The following MYLK variants were observed in gnomAD, a reference collection of about 807,000 sequenced individuals.
MYLK encodes the protein myosin light chain kinase, smooth muscle.
MYLK carries 106 observed loss-of-function variants against 203.4 expected under a neutral mutation model. That is an observed-to-expected ratio of 0.52 (90% CI 0.45 to 0.61). The LOEUF is 0.61. Ranked by LOEUF, MYLK falls within the 20% of genes least tolerant of loss-of-function variation. The pLI is 0.00. For synonymous variants in MYLK, 867 were observed against 959.5 expected, an observed-to-expected ratio of 0.90 and a Z score of 1.78; for missense variants, 2,072 against 2,442.3, an observed-to-expected ratio of 0.85 and a Z score of 3.20.
At chr3:123,801,114 A>C (rs927536973) in intron 3 of MYLK, among the ~76,000 whole-genome samples, 4 of 152,244 alleles carry the variant, frequency 2.6e-5, no homozygotes, top group Non-Finnish European at 5.9e-5. Flanking sequence ...AAAACAGCTA[A>C]ATTTTCATAT....
At chr3:123,882,622 G>A (rs1156392700) in intron 1 of MYLK, among the ~76,000 whole-genome samples, 2 of 152,100 alleles carry the variant, frequency 1.3e-5, no homozygotes, top group Non-Finnish European at 2.9e-5. Flanking sequence ...TGAACAATGA[G>A]ACAGACCTGC....
At position 123,817,489 on chromosome 3, in the gene MYLK, A is replaced by G. The variant is rs1007263447; in HGVS notation, c.-4+14059T>C. Among the ~76,000 whole-genome samples the G allele has an allele frequency of 3.3e-5, 5 of 152,170 alleles. 1 individual carries two copies. The highest frequency in any genetic ancestry group is 4.1e-4 in the South Asian group (2 of 4,830). On this transcript the variant is annotated intron_variant, in intron 3 of 33. Coordinates refer to ENST00000360304, the MANE Select transcript of MYLK (RefSeq NM_053025.4). ...TCAGATCTGCTCAGCCCAGGCCTAC[A>G]GCTACACCAGGGGAGTTGTCAGGGG...
At chr3:123,750,726 G>T (rs1273712729) in intron 5 of MYLK, among the ~76,000 whole-genome samples, 2 of 152,168 alleles carry the variant, frequency 1.3e-5, no homozygotes, top group Non-Finnish European at 2.9e-5. Context: ...ATTTTTATTT[G>T]TAGGCATCAA....
At chr3:123,757,144 T>C (rs1466305937) in intron 4 of MYLK, among the ~76,000 whole-genome samples, 3 of 152,202 alleles carry the variant, frequency 2.0e-5, no homozygotes, top group Non-Finnish European at 4.4e-5. Flanking sequence ...ATTTACTTAA[T>C]GACTAAAAGC....
Position 123,629,561 on chromosome 3 carries a change from G to A in MYLK, c.5027C>T (p.Ala1676Val). 6.2e-7 allele frequency: 1 copy of A among 1,614,212 alleles called. No homozygotes were observed. The highest frequency in any genetic ancestry group is 8.5e-7 in the Non-Finnish European group (1 of 1,180,036). Residue 1676 changes from alanine (A) to valine (V), a missense_variant, in exon 30 of 34, where the codon GCC becomes GTC. Physicochemically the swap from Ala to Val is moderately conservative, Grantham distance 64 (BLOSUM62 0). Transcript: ENST00000360304. This position sits in a 1 kb window ranked among gnomAD's most constrained non-coding sequence, Gnocchi z 4.4. ...DNETLANVTS[A>V]TWDFDDEAFD... ...TGCCTCGTCGTCGAAGTCCCAGGTG[G>A]CTGAGGTAACGTTGGCCAAGGTTTC...
chr3:123,811,899 A>T (rs576625410), intron 3 of MYLK, among the ~76,000 whole-genome samples: 2 of 152,202 alleles, frequency 1.3e-5, no homozygotes, highest in African/African-American at 4.8e-5. Flanking sequence ...CTATAAAAAC[A>T]TATCTATTAA....
At chr3:123,623,111 T>A (rs2697525) in intron 31 of MYLK, 57,911 of 152,146 alleles carry the variant, frequency 0.38, 16,546 homozygotes, top group African/African-American at 0.78. Context: ...TTCCCTGACA[T>A]ACATACAGCA....
chr3:123,679,202 C>T (rs868526968), intron 20 of MYLK, among the ~76,000 whole-genome samples: 29 of 150,418 alleles, frequency 1.9e-4, no homozygotes, highest in Middle Eastern at 3.5e-3. Context: ...AGCTACTAGG[C>T]AGGCTGAGGC....
At position 123,629,655 on chromosome 3, in the gene MYLK, G is replaced by A. The variant is rs1397744930; in HGVS notation, c.4962-29C>T. ...GAGAGACAAGAGCAGGACAGCAGGT[G>A]TGGCTAGGAGAGGGCGCGACGACCA... On this transcript the variant is annotated intron_variant, in intron 29 of 33. Coordinates refer to ENST00000360304, the MANE Select transcript of MYLK (RefSeq NM_053025.4). This position sits in a 1 kb window ranked among gnomAD's most constrained non-coding sequence, Gnocchi z 4.4. 1.9e-6 allele frequency: 3 copies of A among 1,612,892 alleles called. No individual in the cohort carries two copies. Among genetic ancestry groups the A allele is most frequent in the East Asian group, 2.2e-5 (1 of 44,870 alleles).
At chr3:123,732,285 CATTTCATGCAATATTATATGGCTACTAA>C (rs1322214188) in intron 11 of MYLK, among the ~76,000 whole-genome samples, 1 of 152,120 alleles carries the variant, frequency 6.6e-6, no homozygotes. Context: ...TAGATACAGC[CATTTCATGCAATATTATATGGCTACTAA>C]AAGTCATGCT....
At chr3:123,857,453 A>G (rs1455814378) in intron 2 of MYLK, among the ~76,000 whole-genome samples, 1 of 152,064 alleles carries the variant, frequency 6.6e-6, no homozygotes, top group Non-Finnish European at 1.5e-5. Context: ...TACACCATGG[A>G]ATACTATGCA....
At chr3:123,652,153 T>C (rs1374495783) in intron 24 of MYLK, among the ~76,000 whole-genome samples, 1 of 152,112 alleles carries the variant, frequency 6.6e-6, no homozygotes, top group East Asian at 1.9e-4. Context: ...CTCTCTTCTA[T>C]TTGACCACAA....
chr3:123,657,573 A>G, intron 23 of MYLK, 145 bp from the exon 24 acceptor site: 1 of 767,938 alleles, frequency 1.3e-6, no homozygotes, highest in Admixed American at 2.3e-5. Context: ...CCTCATCCGC[A>G]CATCACAGTT....
chr3:123,779,338 C>T (rs1407503416), intron 4 of MYLK, among the ~76,000 whole-genome samples: 1 of 152,252 alleles, frequency 6.6e-6, no homozygotes, highest in African/African-American at 2.4e-5. Flanking sequence ...AGGTGCCTGG[C>T]TCCCCTCAGC....
At chr3:123,760,733 G>A (rs1458825577) in intron 4 of MYLK, among the ~76,000 whole-genome samples, 1 of 152,054 alleles carries the variant, frequency 6.6e-6, no homozygotes, top group African/African-American at 2.4e-5. Flanking sequence ...ACAACTTCAA[G>A]GCATCACACT....
At chr3:123,680,736 A>G (rs1001348744) in intron 20 of MYLK, among the ~76,000 whole-genome samples, 24 of 152,230 alleles carry the variant, frequency 1.6e-4, no homozygotes, top group Admixed American at 1.5e-3. Context: ...GTCACAAAAC[A>G]CTGCATTGTA....
chr3:123,734,251 T>TG, intron 9 of MYLK, 29 bp from the exon 10 acceptor site: 16 of 448,406 alleles, frequency 3.6e-5, no homozygotes, highest in Non-Finnish European at 5.5e-5. Context: ...GGGGGTAGGG[T>TG]GGGTGAGGAG....
chr3:123,692,970 G>T (rs535519567), intron 18 of MYLK, 119 bp from the exon 19 acceptor site: 1 of 851,678 alleles, frequency 1.2e-6, no homozygotes, highest in Non-Finnish European at 2.0e-6. Flanking sequence ...GAAGCCAGAG[G>T]CCTTGTGGGA....
Position 123,708,778 on chromosome 3 carries a change from G to A in MYLK, c.2060C>T (p.Pro687Leu), listed in dbSNP as rs144923036. 110 of 1,613,988 alleles carry A rather than the reference G, an allele frequency of 6.8e-5. No homozygotes were observed. The highest frequency in any genetic ancestry group is 3.3e-4 in the Middle Eastern group (2 of 6,078). Residue 687 changes from proline to leucine, a missense_variant, in exon 15 of 34, where the codon CCG (proline) becomes CTG (leucine). Coordinates refer to ENST00000360304, the MANE Select transcript of MYLK (RefSeq NM_053025.4). ...GCAGGTGTACGTGCCCGTGTCCTCCGGGAACACTTCCTGGATACAAAGGCT... is the reference window on the plus strand; with the variant it reads ...GCAGGTGTACGTGCCCGTGTCCTCCAGGAACACTTCCTGGATACAAAGGCT... ...QHSLCIQEVF[P>L]EDTGTYTCEA... is the part of the protein sequence containing the mutation.
Sources: gnomAD v4.1 joint callset for allele counts (sites outside exome capture counted in the v4.1 genomes callset) on GRCh38, gnomAD v4.1.1 for gene constraint, Gnocchi (gnomAD v3.1) non-coding constraint, MANE v1.5 for transcripts, NCBI Gene and HGNC (gene_info 2026-07-23, HGNC 2026-07-21) for gene names.